The following CDKL5 variants were observed in gnomAD, a reference collection of about 807,000 sequenced individuals.
CDKL5 encodes cyclin-dependent kinase-like 5.
CDKL5 carries 8 observed loss-of-function variants against 61.7 expected under a neutral mutation model. The ratio of observed to expected loss-of-function variants is 0.13; its 90% CI spans 0.08 to 0.23. The LOEUF (loss-of-function observed/expected upper bound fraction) is 0.23, where lower values mean the gene tolerates loss of function less well. CDKL5 is among the 10% of genes least tolerant of loss of function. The pLI is 1.00. For missense variants in CDKL5, 440 were observed against 734.5 expected (o/e 0.60, Z 4.63); for synonymous variants, 275 against 272.3 (o/e 1.01, Z -0.10).
At chrX:18,644,129 C>G (rs945796326), downstream of CDKL5, among the ~76,000 whole-genome samples, 1 of 111,997 alleles carries the variant, frequency 8.9e-6, no homozygotes, top group Non-Finnish European at 1.9e-5. Context: ...ATTCAATGAT[C>G]CAGTGAGTTG....
At chrX:18,451,213 C>T (rs1004803962) in intron 1 of CDKL5, among the ~76,000 whole-genome samples, 7 of 111,251 alleles carry the variant, frequency 6.3e-5, no homozygotes, top group Non-Finnish European at 1.1e-4. Flanking sequence ...ATTTTTGAGC[C>T]GGAGTTTTGC....
chrX:18,563,129 C>T (rs948208464), intron 3 of CDKL5, among the ~76,000 whole-genome samples: 5 of 111,486 alleles, frequency 4.5e-5, no homozygotes, highest in Non-Finnish European at 9.4e-5. Context: ...TTGAGATGTG[C>T]GCAGTTTTTC....
intron 4 of CDKL5, among the ~76,000 whole-genome samples, chrX:18,572,405 C>T (rs190036842): frequency 7.9e-4 from 88 of 112,080 alleles, no homozygotes; most frequent in African/African-American, 2.8e-3. Flanking sequence ...ACCAAGAATT[C>T]ACAAAGCATC....
At chrX:18,626,404 G>T (rs976438730) in intron 17 of CDKL5, among the ~76,000 whole-genome samples, 1 of 110,659 alleles carries the variant, frequency 9.0e-6, no homozygotes, top group African/African-American at 3.3e-5. Flanking sequence ...CTGTTGCATA[G>T]AACTGCTGGC....
At chrX:18,442,356 C>T (rs1266071992) in intron 1 of CDKL5, 2 of 111,680 alleles carry the variant, frequency 1.8e-5, no homozygotes, top group African/African-American at 3.3e-5. Flanking sequence ...CTCTTCTACC[C>T]GTTCTTTTTG....
At position 18,632,023 on chromosome X, in the gene CDKL5, C is replaced by T; in HGVS notation, c.*3266C>T. 1 of 594,450 alleles carries T rather than the reference C, an allele frequency of 1.7e-6. No homozygotes were observed. Among genetic ancestry groups the T allele is most frequent in the Non-Finnish European group, 2.0e-6 (1 of 493,688 alleles). The allele number at this position is 594,450 out of a possible 1,213,427, so 49.0% of individuals were successfully genotyped here. A position where few individuals can be genotyped will look rare whatever the true frequency, so the allele number is the denominator to read the frequency against. On this transcript the variant is annotated 3_prime_UTR_variant, in exon 18 of 18. Coordinates refer to ENST00000623535, the MANE Select transcript of CDKL5 (RefSeq NM_001323289.2). ...TAGAGGCCACAGATGCTACTAAACACCCTGCCATGCACAGGACAGCCCCCC... is the reference window on the plus strand; with the variant it reads ...TAGAGGCCACAGATGCTACTAAACATCCTGCCATGCACAGGACAGCCCCCC...
In CDKL5 at chrX:18,630,370, G is replaced by A. The variant is rs1052819899; in HGVS notation, c.*1613G>A. ...CATCTATCAGTAGTAGTAGATTTTT[G>A]GAATTAGTCTCTGAGCAATAATACT... On this transcript the variant is annotated 3_prime_UTR_variant, in exon 18 of 18. Transcript: ENST00000623535. The A allele has an allele frequency of 1.3e-6, 1 of 752,815 alleles. No individual in the cohort carries two copies. The highest frequency in any genetic ancestry group is 2.3e-5 in the African/African-American group (1 of 43,527). 62.0% of individuals were successfully genotyped at this position (752,815 alleles called of 1,213,427 possible).
intron 3 of CDKL5, among the ~76,000 whole-genome samples, chrX:18,518,384 TCTTA>T (rs1164357962): frequency 1.3e-4 from 12 of 89,273 alleles, no homozygotes; most frequent in Admixed American, 1.1e-3. Context: ...TCTTTTCTTT[TCTTA>T]TTTTTTTTTT....
chrX:18,476,127 T>G (rs1398063233), intron 1 of CDKL5, among the ~76,000 whole-genome samples: 1 of 112,164 alleles, frequency 8.9e-6, no homozygotes, highest in African/African-American at 3.2e-5. Context: ...TGGTTCAACT[T>G]TCAGTACTTT....
At chrX:18,600,477 T>C (rs948322545) in intron 11 of CDKL5, among the ~76,000 whole-genome samples, 1 of 112,245 alleles carries the variant, frequency 8.9e-6, no homozygotes, top group African/African-American at 3.2e-5. Flanking sequence ...TAATTGTCTC[T>C]TAGCTCCTTT....
intron 8 of CDKL5, among the ~76,000 whole-genome samples, chrX:18,585,355 A>G (rs1925608898): frequency 9.0e-6 from 1 of 111,254 alleles, no homozygotes; most frequent in African/African-American, 3.3e-5. Flanking sequence ...ATATCCCACC[A>G]CTGCACTCCA....
intron 3 of CDKL5, among the ~76,000 whole-genome samples, chrX:18,517,844 A>G (rs1248439596): frequency 9.0e-6 from 1 of 111,439 alleles, no homozygotes; most frequent in Non-Finnish European, 1.9e-5. Flanking sequence ...CATCTCTACT[A>G]AAAATACAAA....
At chrX:18,641,453 G>A (rs1459039563), downstream of CDKL5, 1 of 117,731 alleles carries the variant, frequency 8.5e-6, no homozygotes, top group African/African-American at 3.3e-5. Flanking sequence ...TCAGGGCACC[G>A]GGATTCTCAC....
chrX:18,458,424 A>G (rs1002678598), intron 1 of CDKL5, among the ~76,000 whole-genome samples: 1 of 112,102 alleles, frequency 8.9e-6, no homozygotes, highest in African/African-American at 3.2e-5. Flanking sequence ...GGCTATGTAA[A>G]TATGTTAATT....
At chrX:18,648,556 G>C (rs866589228) in intron 20 of CDKL5, among the ~76,000 whole-genome samples, 35 of 111,239 alleles carry the variant, frequency 3.1e-4, no homozygotes, top group African/African-American at 9.5e-4. Flanking sequence ...CCTTCTTTTT[G>C]ACTAAAGAGC....
At chrX:18,489,318 G>A (rs916641705) in intron 1 of CDKL5, among the ~76,000 whole-genome samples, 11 of 110,131 alleles carry the variant, frequency 1.0e-4, no homozygotes, top group African/African-American at 3.3e-4. Flanking sequence ...GCGCCACCAC[G>A]CCCGGCAAGT....
At chrX:18,520,288 ATT>A (rs1923199934) in intron 3 of CDKL5, among the ~76,000 whole-genome samples, 1 of 111,909 alleles carries the variant, frequency 8.9e-6, no homozygotes, top group Non-Finnish European at 1.9e-5. Flanking sequence ...TGCTTTCTGT[ATT>A]TACCTATTTT....
At chrX:18,542,653 A>G (rs1309366736) in intron 3 of CDKL5, among the ~76,000 whole-genome samples, 1 of 106,346 alleles carries the variant, frequency 9.4e-6, no homozygotes, top group Non-Finnish European at 1.9e-5. Flanking sequence ...GGTTCCTAAT[A>G]TGATGATTTT....
intron 3 of CDKL5, among the ~76,000 whole-genome samples, chrX:18,548,795 T>C (rs1490010530): frequency 1.8e-5 from 2 of 112,296 alleles, no homozygotes; most frequent in South Asian, 3.7e-4. Flanking sequence ...GAAGATGTTA[T>C]ACAGAAACAA....
Sources: allele counts gnomAD v4.1 joint callset (sites outside exome capture counted in the v4.1 genomes callset), GRCh38; gene constraint gnomAD v4.1.1; transcripts MANE v1.5; gene names NCBI Gene and HGNC (gene_info 2026-07-23, HGNC 2026-07-21).